DHRS4L2: variants seen among roughly 807,000 people sequenced by gnomAD.
DHRS4L2 encodes dehydrogenase/reductase SDR family member 4-like 2.
In DHRS4L2, 22 loss-of-function variants were observed where a neutral mutation model predicts 23.9. That is an observed-to-expected ratio of 0.92 (90% CI 0.66 to 1.31). The LOEUF (loss-of-function observed/expected upper bound fraction) is 1.31. DHRS4L2 is among the 40% of genes most tolerant of loss of function. The pLI, the probability that DHRS4L2 is intolerant of heterozygous loss-of-function variation, is 0.00. For synonymous variants in DHRS4L2, 141 were observed against 123.7 expected (o/e 1.14, Z -0.93); for missense variants, 385 against 303.3 (o/e 1.27, Z -2.00).
rs562407035 is a variant in DHRS4L2, at chr14:24,005,885, G to C, written c.*23-1G>C. 6.2e-6 allele frequency: 10 copies of C among 1,608,826 alleles called. No individual in the cohort carries two copies. The Admixed American group carries it at 1.5e-4, about 24-fold the overall frequency. ...CCTTCCTTGCTTCCCTTATTCCCCA[G>C]GTTAGGCGAGCCAGAGGATTGTGCT... On this transcript the variant is annotated splice_acceptor_variant, in intron 7 of 7. Coordinates refer to ENST00000335125, the MANE Select transcript of DHRS4L2 (RefSeq NM_198083.4). LOFTEE classifies it low-confidence loss of function (3UTR_SPLICE).
chr14:23,988,842 C>A (rs1230185615), upstream of DHRS4L2: 244 of 1,454,878 alleles, frequency 1.7e-4, 6 homozygotes, highest in Non-Finnish European at 1.7e-5. Flanking sequence ...TGGCCGAGGG[C>A]GGGAAGGGGG....
At position 23,990,767 on chromosome 14, in the gene DHRS4L2, G is replaced by A. The variant is rs1391534496; in HGVS notation, c.306+408G>A. ...AGCCACTTACTATGTGCCATTTCCTGTGTTCAGAGCCTTACACAGGTTATC... is the reference window on the plus strand; with the variant it reads ...AGCCACTTACTATGTGCCATTTCCTATGTTCAGAGCCTTACACAGGTTATC... On this transcript the variant is annotated intron_variant, in intron 2 of 7. Transcript: ENST00000335125. The A allele has an allele frequency of 7.0e-6, 4 of 575,366 alleles. No individual in the cohort carries two copies. The African/African-American group carries it at 8.3e-5, about 12-fold the overall frequency. 35.6% of individuals were successfully genotyped at this position (575,366 alleles called of 1,614,324 possible).
chr14:23,976,433 A>C (rs1269932440), intron 1 of DHRS4L2, among the ~76,000 whole-genome samples: 1 of 151,840 alleles, frequency 6.6e-6, no homozygotes, highest in Non-Finnish European at 1.5e-5. Flanking sequence ...TAGAATGGCA[A>C]CATTAAAAAG....
At position 24,001,188 on chromosome 14, in the gene DHRS4L2, A is replaced by G. The variant is rs532242395; in HGVS notation, c.531+104A>G. On this transcript the variant is annotated intron_variant, in intron 5 of 7. Coordinates refer to ENST00000335125, the MANE Select transcript of DHRS4L2 (RefSeq NM_198083.4). The stretch of plus-strand genomic sequence containing the variant: ...TTGTGTCCCCTTGTAGAATCACACC[A>G]CCAAGTCCCTGCCCACAAAATAGAT... 5,309 of 1,600,238 alleles carry G rather than the reference A, an allele frequency of 3.3e-3. 118 individuals are homozygous for G. Among genetic ancestry groups the G allele is most frequent in the South Asian group, 0.016 (1,439 of 90,216 alleles).
At chr14:23,978,877 A>T (rs1227634580) in intron 1 of DHRS4L2, among the ~76,000 whole-genome samples, 13 of 140,990 alleles carry the variant, frequency 9.2e-5, no homozygotes, top group Non-Finnish European at 2.0e-4. Flanking sequence ...ACTATGAAGA[A>T]ACTGCGTCAA....
Position 23,995,140 on chromosome 14 carries a change from G to C in DHRS4L2, c.408+7G>C, listed in dbSNP as rs2034354180. 1 of 1,612,386 alleles carries C rather than the reference G, an allele frequency of 6.2e-7. No homozygotes were observed. The highest frequency in any genetic ancestry group is 1.3e-5 in the African/African-American group (1 of 74,878). On this transcript the variant is annotated splice_region_variant and intron_variant, in intron 3 of 7. Transcript: ENST00000335125. ...CGAGGAGGTGTGGGACAAGGTGAGAGGGGATTAAAGAAGCGCGGAAGGGGG... is the reference window on the plus strand; with the variant it reads ...CGAGGAGGTGTGGGACAAGGTGAGACGGGATTAAAGAAGCGCGGAAGGGGG...
rs568679095 is a variant in DHRS4L2 at position 23,993,248 on chromosome 14, C to T, written c.307-1784C>T. Among the ~76,000 whole-genome samples the T allele has an allele frequency of 4.0e-5, 6 of 151,788 alleles. No homozygotes were observed. In the South Asian group the frequency reaches 1.3e-3, roughly 32 times the overall value. On this transcript the variant is annotated intron_variant, in intron 2 of 7. Coordinates refer to ENST00000335125, the MANE Select transcript of DHRS4L2 (RefSeq NM_198083.4). ...CACAGAGCCAACCCAGGTGACTTGG[C>T]TTTGTGCCAGGATGCCAAAATTTAA...
chr14:24,001,541 T>G, intron 6 of DHRS4L2, 24 bp downstream of exon 6: 1 of 1,599,800 alleles, frequency 6.3e-7, no homozygotes, highest in Non-Finnish European at 8.5e-7. Flanking sequence ...GCTTTGCATT[T>G]GACTGGGACC....
chr14:23,995,085 C>A lies in DHRS4L2; in HGVS notation c.360C>A (p.Asn120Lys), dbSNP rs189352232. 7 of 1,612,876 alleles carry A rather than the reference C, an allele frequency of 4.3e-6. No homozygotes were observed. Among genetic ancestry groups the A allele is most frequent in the Non-Finnish European group, 5.9e-6 (7 of 1,179,496 alleles). Reference sequence around the variant, plus strand: ...TCCTAGTCTCCAATGCTGCTGTCAACCCTTTCTTTGGAAGCCTAATGGATG... The same window carrying A: ...TCCTAGTCTCCAATGCTGCTGTCAAACCTTTCTTTGGAAGCCTAATGGATG... Reference protein sequence around the residue: ...IDILVSNAAVNPFFGSLMDVT... With the variant: ...IDILVSNAAVKPFFGSLMDVT... The change falls in exon 3 of 8, where the codon AAC (asparagine) becomes AAA (lysine). Residue 120 changes from asparagine to lysine, a missense_variant. By Grantham distance (94) the Asn-to-Lys change is moderately conservative. Coordinates refer to ENST00000335125, the MANE Select transcript of DHRS4L2 (RefSeq NM_198083.4).
At chr14:24,005,842 C>A (rs867477783) in intron 7 of DHRS4L2, 44 bp from the exon 8 acceptor site, 19 of 1,608,922 alleles carry the variant, frequency 1.2e-5, no homozygotes, top group South Asian at 2.2e-5. Flanking sequence ...GGGAGGCAGA[C>A]CCGTTTGATT....
chr14:23,987,070 C>T (rs1594461298), upstream of DHRS4L2, among the ~76,000 whole-genome samples: 1 of 151,586 alleles, frequency 6.6e-6, no homozygotes, highest in Non-Finnish European at 1.5e-5. Flanking sequence ...ACTAGAAATC[C>T]AGTGCAGGCC....
In DHRS4L2 at chr14:24,005,858, C is replaced by T. The variant is rs1195053136; in HGVS notation, c.*23-28C>T. 3.1e-6 allele frequency: 5 copies of T among 1,609,394 alleles called. No individual in the cohort carries two copies. The African/African-American group carries it at 6.7e-5, about 22-fold the overall frequency. The stretch of plus-strand genomic sequence containing the variant: ...GGAGGCAGACCCGTTTGATTTTTAC[C>T]TCCTTCCTTGCTTCCCTTATTCCCC... On this transcript the variant is annotated intron_variant, in intron 7 of 7. Transcript: ENST00000335125.
intron 3 of DHRS4L2, 88 bp downstream of exon 3, chr14:23,995,221 G>A: frequency 2.0e-6 from 3 of 1,490,230 alleles, no homozygotes; most frequent in Admixed American, 1.7e-5. Context: ...TTTCTCAAGG[G>A]CAGTGTAAAT....
chr14:24,001,274 T>G (rs746875756), intron 5 of DHRS4L2, 110 bp from the exon 6 acceptor site: 34 of 1,563,358 alleles, frequency 2.2e-5, no homozygotes, highest in Non-Finnish European at 2.6e-5. Flanking sequence ...TTCCTAACTC[T>G]GCCCCTCCCT....
At chr14:23,971,252 C>G (rs1344590848) in intron 1 of DHRS4L2, among the ~76,000 whole-genome samples, 1 of 151,594 alleles carries the variant, frequency 6.6e-6, no homozygotes, top group Admixed American at 6.6e-5. Flanking sequence ...TAAAAACCTT[C>G]AAAAAAAGGT....
At chr14:23,986,482 G>A (rs947245501), upstream of DHRS4L2, among the ~76,000 whole-genome samples, 9 of 148,346 alleles carry the variant, frequency 6.1e-5, no homozygotes, top group South Asian at 2.2e-4. Flanking sequence ...CGTTGTACAC[G>A]TGCACCCTAG....
At chr14:23,988,805 C>T (rs1049272741), upstream of DHRS4L2, 163 of 1,400,490 alleles carry the variant, frequency 1.2e-4, 2 homozygotes, top group Non-Finnish European at 1.4e-4. Context: ...CGGCGGGAGG[C>T]GCCAACCGCC....
chr14:23,989,153 G>C lies in DHRS4L2; in HGVS notation c.128+78G>C, dbSNP rs1013471611. 1.1e-5 allele frequency: 17 copies of C among 1,531,072 alleles called. No individual in the cohort carries two copies. The Admixed American group carries it at 1.2e-4, about 11-fold the overall frequency. The allele number at this position is 1,531,072 out of a possible 1,614,324, so 94.8% of individuals were successfully genotyped here. A position where few individuals can be genotyped will look rare whatever the true frequency, so the allele number is the denominator to read the frequency against. ...TGGTGTCTCGTCCTTTGCCTCCAGTGCCCCTGTCCTCAGACCTCACATACC... is the reference window on the plus strand; with the variant it reads ...TGGTGTCTCGTCCTTTGCCTCCAGTCCCCCTGTCCTCAGACCTCACATACC... On this transcript the variant is annotated intron_variant, in intron 1 of 7. Transcript: ENST00000335125.
chr14:23,982,407 G>A (rs2034071093), intron 1 of DHRS4L2, among the ~76,000 whole-genome samples: 1 of 151,612 alleles, frequency 6.6e-6, no homozygotes, highest in Non-Finnish European at 1.5e-5. Flanking sequence ...ATTGTTCAGG[G>A]TACAGGTCAA....
Sources: allele counts gnomAD v4.1 joint callset (sites outside exome capture counted in the v4.1 genomes callset), GRCh38; gene constraint gnomAD v4.1.1; transcripts MANE v1.5; gene names NCBI Gene and HGNC (gene_info 2026-07-23, HGNC 2026-07-21).